WDFY4: variants seen among roughly 807,000 people sequenced by gnomAD.
WDFY4 encodes WD repeat- and FYVE domain-containing protein 4.
In WDFY4, 169 loss-of-function variants were observed where a neutral mutation model predicts 351.9. The observed-to-expected ratio is 0.48, with a 90% CI of 0.42 to 0.55. The LOEUF (loss-of-function observed/expected upper bound fraction) is 0.55, where lower values mean the gene tolerates loss of function less well. Among genes scored for constraint, WDFY4 ranks in the 20% least tolerant of loss-of-function variants. The probability of loss-of-function intolerance (pLI) is 0.00; values close to 1 mark genes in which losing one functional copy is unlikely to be tolerated. For synonymous variants in WDFY4, 1,622 were observed against 1,574.6 expected, an observed-to-expected ratio of 1.03 and a Z score of -0.71; for missense variants, 3,803 against 3,935.6, an observed-to-expected ratio of 0.97 and a Z score of 0.90.
intron 52 of WDFY4, among the ~76,000 whole-genome samples, chr10:48,958,015 G>A (rs1841685237): frequency 6.6e-6 from 1 of 152,192 alleles, no homozygotes; most frequent in Non-Finnish European, 1.5e-5. Flanking sequence ...ACACGCATGA[G>A]CCATCACCAA....
chr10:48,775,837 A>T, intron 15 of WDFY4, 31 bp downstream of exon 15: 2 of 1,531,024 alleles, frequency 1.3e-6, no homozygotes. Flanking sequence ...GGGGCAGGTT[A>T]ATGGGAAGTA....
chr10:48,966,879 T>C (rs929120018), intron 55 of WDFY4: 2 of 630,264 alleles, frequency 3.2e-6, no homozygotes, highest in African/African-American at 1.8e-5. Flanking sequence ...CCCTAACTTC[T>C]GAAGACCCAC....
chr10:48,786,361 T>C (rs1052338395), intron 19 of WDFY4, among the ~76,000 whole-genome samples: 1 of 152,234 alleles, frequency 6.6e-6, no homozygotes, highest in Non-Finnish European at 1.5e-5. Context: ...TTCAGGTTCT[T>C]AGTAGAATGA....
intron 35 of WDFY4, chr10:48,823,095 G>T (rs2133007841): frequency 7.9e-7 from 1 of 1,263,532 alleles, no homozygotes; most frequent in South Asian, 1.3e-5. Flanking sequence ...ATTGAATGTA[G>T]GTGTATGTAT....
At chr10:48,918,398 G>A (rs1318344286) in intron 47 of WDFY4, among the ~76,000 whole-genome samples, 6 of 152,146 alleles carry the variant, frequency 3.9e-5, no homozygotes, top group African/African-American at 1.2e-4. Flanking sequence ...GACATACCAT[G>A]CAAACACTAA....
chr10:48,840,613 A>G (rs1305480725), intron 39 of WDFY4, among the ~76,000 whole-genome samples: 1 of 152,182 alleles, frequency 6.6e-6, no homozygotes, highest in Non-Finnish European at 1.5e-5. Context: ...AGCGGGAAGG[A>G]GTCTGATCAA....
chr10:48,913,025 G>A (rs1838146224), intron 47 of WDFY4, among the ~76,000 whole-genome samples: 1 of 152,186 alleles, frequency 6.6e-6, no homozygotes, highest in Non-Finnish European at 1.5e-5. Context: ...TTGGGATCTG[G>A]CAGTGGGCTC....
chr10:48,738,010 G>A (rs557691015), intron 11 of WDFY4, among the ~76,000 whole-genome samples: 1 of 152,262 alleles, frequency 6.6e-6, no homozygotes, highest in African/African-American at 2.4e-5. Flanking sequence ...GCGCTGTTTG[G>A]TACATTTTCC....
rs974604982 is a variant in WDFY4 at position 48,830,693 on chromosome 10, C to T, written c.6341-7C>T. On this transcript the variant is annotated splice_polypyrimidine_tract_variant and splice_region_variant and intron_variant, in intron 37 of 61. Coordinates refer to ENST00000325239, the MANE Select transcript of WDFY4 (RefSeq NM_001394531.1). ...ATCCTGAGTGTGCCATGTGCTCTCT[C>T]TGCTAGTCCAACACAACATCCAGAA... 1.3e-6 allele frequency: 2 copies of T among 1,550,536 alleles called. No homozygotes were observed. Among genetic ancestry groups the T allele is most frequent in the Non-Finnish European group, 1.7e-6 (2 of 1,146,586 alleles).
chr10:48,921,427 A>G (rs1839067154), intron 47 of WDFY4, among the ~76,000 whole-genome samples: 1 of 152,228 alleles, frequency 6.6e-6, no homozygotes, highest in African/African-American at 2.4e-5. Flanking sequence ...GCAAAAATTA[A>G]ACCTTGGCCT....
chr10:48,914,798 C>T (rs189487390), intron 47 of WDFY4, among the ~76,000 whole-genome samples: 3 of 152,306 alleles, frequency 2.0e-5, no homozygotes, highest in Admixed American at 2.0e-4. Context: ...GCCTGTTGCT[C>T]AGCCCAGGGA....
chr10:48,754,340 T>G (rs2065270215), intron 12 of WDFY4, among the ~76,000 whole-genome samples: 1 of 151,924 alleles, frequency 6.6e-6, no homozygotes, highest in East Asian at 1.9e-4. Context: ...CTTCAGGGCT[T>G]TTGCAATGGC....
chr10:48,789,026 A>AT (rs139650928), intron 21 of WDFY4, among the ~76,000 whole-genome samples: 24,019 of 151,988 alleles, frequency 0.16, 2,748 homozygotes, highest in African/African-American at 0.32. Flanking sequence ...AGTTGTTGTG[A>AT]TTTTTTTAAT....
intron 34 of WDFY4, among the ~76,000 whole-genome samples, chr10:48,821,585 G>A (rs1033315848): frequency 6.6e-6 from 1 of 152,228 alleles, no homozygotes; most frequent in Non-Finnish European, 1.5e-5. Flanking sequence ...GGATGAAGAT[G>A]CTGCCATGCC....
chr10:48,753,515 T>C (rs1483790452), intron 12 of WDFY4, among the ~76,000 whole-genome samples: 1 of 152,230 alleles, frequency 6.6e-6, no homozygotes, highest in African/African-American at 2.4e-5. Context: ...TGTAGATAAT[T>C]AATTCATTTT....
chr10:48,891,173 A>G (rs1464756548), intron 44 of WDFY4, among the ~76,000 whole-genome samples: 1 of 152,190 alleles, frequency 6.6e-6, no homozygotes, highest in Non-Finnish European at 1.5e-5. Context: ...GTGGGACAAA[A>G]TCTTCAGGGT....
At chr10:48,714,190 T>C (rs1264271809) in intron 2 of WDFY4, among the ~76,000 whole-genome samples, 1 of 152,246 alleles carries the variant, frequency 6.6e-6, no homozygotes, top group African/African-American at 2.4e-5. Flanking sequence ...CAGTCTGCTG[T>C]AGGTCTGCAT....
At position 48,776,919 on chromosome 10, in the gene WDFY4, G is replaced by A; in HGVS notation, c.3033G>A (p.Leu1011=). 1 of 1,552,284 alleles carries A rather than the reference G, an allele frequency of 6.4e-7. No homozygotes were observed. The highest frequency in any genetic ancestry group is 1.7e-4 in the Middle Eastern group (1 of 5,994). ...TCTCCATGACCTCCCCACGCAACCT[G>A]CAGCCTCAGAGGGCAGCCCTGGCCC... is the stretch of plus-strand genomic sequence containing the variant. ...SLISMTSPRN[L]QPQRAALAPS... Residue 1011 remains leucine (L), a synonymous_variant, in exon 16 of 62, where the codon CTG becomes CTA. Coordinates refer to ENST00000325239, the MANE Select transcript of WDFY4 (RefSeq NM_001394531.1).
intron 20 of WDFY4, among the ~76,000 whole-genome samples, chr10:48,787,918 CTT>C (rs2066512781): frequency 1.6e-5 from 1 of 62,906 alleles, no homozygotes; most frequent in African/African-American, 7.6e-5. Flanking sequence ...TCTTCTTCTT[CTT>C]CTTCTTCTTC....
Sources: allele counts gnomAD v4.1 joint callset (sites outside exome capture counted in the v4.1 genomes callset), GRCh38; gene constraint gnomAD v4.1.1; transcripts MANE v1.5; gene names NCBI Gene and HGNC (gene_info 2026-07-23, HGNC 2026-07-21).